ULK2: variants seen among roughly 807,000 people sequenced by gnomAD.
The protein encoded by ULK2 is serine/threonine-protein kinase ULK2.
In ULK2, 76 loss-of-function variants were observed where a neutral mutation model predicts 127.5. That is an observed-to-expected ratio of 0.60 (90% CI 0.50 to 0.72). The LOEUF is 0.72. Among genes scored for constraint, ULK2 ranks in the 30% least tolerant of loss-of-function variants. The pLI is 0.00. For synonymous variants in ULK2, 452 were observed against 461.9 expected (o/e 0.98, Z 0.28); for missense variants, 1,144 against 1,295.9 (o/e 0.88, Z 1.80).
chr17:19,841,607 T>G, intron 8 of ULK2, 60 bp from the exon 9 acceptor site: 4 of 1,338,514 alleles, frequency 3.0e-6, no homozygotes, highest in South Asian at 1.3e-5. Context: ...TCAAATCATA[T>G]GATTGACACT....
intron 10 of ULK2, among the ~76,000 whole-genome samples, chr17:19,832,806 C>T (rs773716965): frequency 9.2e-5 from 14 of 152,160 alleles, no homozygotes; most frequent in South Asian, 4.1e-4. Flanking sequence ...CCGCAGATTT[C>T]GTCCACGCAA....
At chr17:19,838,949 T>C (rs542850927) in intron 9 of ULK2, among the ~76,000 whole-genome samples, 14 of 149,758 alleles carry the variant, frequency 9.3e-5, no homozygotes, top group African/African-American at 3.2e-4. Flanking sequence ...GAGAATGGCA[T>C]AAACCCGGGA....
intron 10 of ULK2, among the ~76,000 whole-genome samples, chr17:19,830,690 TTAAAC>T (rs2041417641): frequency 2.0e-5 from 3 of 150,538 alleles, no homozygotes; most frequent in Non-Finnish European, 1.5e-5. Flanking sequence ...TATGTGGAAA[TTAAAC>T]AAAACACTCT....
Position 19,826,156 on chromosome 17 carries a change from T to C in ULK2, c.818A>G (p.Gln273Arg). Residue 273 changes from glutamine to arginine, a missense_variant, in exon 11 of 27, where the codon CAA becomes CGA. Physicochemically the swap from Gln to Arg is conservative, Grantham distance 43. Transcript: ENST00000395544. ...ATACTCACATTTTTTTACTGGACCTTGCTCAAGAAAAGGATGGCTAAAAAA... is the reference window on the plus strand; with the variant it reads ...ATACTCACATTTTTTTACTGGACCTCGCTCAAGAAAAGGATGGCTAAAAAA... ...EAFFSHPFLE[Q>R]GPVKKSCPVP... The C allele has an allele frequency of 6.8e-7, 1 of 1,471,424 alleles. No individual in the cohort carries two copies. The highest frequency in any genetic ancestry group is 9.1e-7 in the Non-Finnish European group (1 of 1,100,998). 91.1% of individuals were successfully genotyped at this position (1,471,424 alleles called of 1,614,324 possible).
Position 19,783,894 on chromosome 17 carries a change from T to C in ULK2, c.2263A>G (p.Asn755Asp), listed in dbSNP as rs2086973007. 2 of 1,519,958 alleles carry C rather than the reference T, an allele frequency of 1.3e-6. No homozygotes were observed. Among genetic ancestry groups the C allele is most frequent in the Non-Finnish European group, 1.8e-6 (2 of 1,132,706 alleles). 94.2% of individuals were successfully genotyped at this position (1,519,958 alleles called of 1,614,324 possible). The change falls in exon 22 of 27, where the codon AAC (asparagine) becomes GAC (aspartate). Residue 755 changes from asparagine (N) to aspartate (D), a missense_variant. Asn to Asp is a conservative substitution (Grantham distance 23, BLOSUM62 1). Transcript: ENST00000395544. ...RTRTTSVGPS[N>D]SGGSLCAMSG... Reference sequence around the variant, plus strand: ...ATGGCACAAAGAGAGCCCCCGGAGTTGCTGGGCCCCACTACAAGGAAACAG... The same window carrying C: ...ATGGCACAAAGAGAGCCCCCGGAGTCGCTGGGCCCCACTACAAGGAAACAG...
chr17:19,828,717 CA>C (rs1412212716), intron 10 of ULK2, among the ~76,000 whole-genome samples: 8 of 152,168 alleles, frequency 5.3e-5, no homozygotes, highest in African/African-American at 1.7e-4. Flanking sequence ...AATCTTTCCT[CA>C]TCAGTAATTA....
At chr17:19,782,193 G>T (rs1346877294) in intron 22 of ULK2, 126 bp from the exon 23 acceptor site, 5 of 1,061,822 alleles carry the variant, frequency 4.7e-6, no homozygotes, top group Non-Finnish European at 6.6e-6. Flanking sequence ...GACAAAAGGA[G>T]ATTGAAATTT....
At chr17:19,812,324 T>C (rs1213886608) in intron 13 of ULK2, among the ~76,000 whole-genome samples, 1 of 152,222 alleles carries the variant, frequency 6.6e-6, no homozygotes, top group Non-Finnish European at 1.5e-5. Flanking sequence ...AGTTGATGAA[T>C]ACATTAATTT....
intron 23 of ULK2, 45 bp from the exon 24 acceptor site, chr17:19,781,149 G>C: frequency 6.4e-7 from 1 of 1,552,476 alleles, no homozygotes; most frequent in Non-Finnish European, 8.9e-7. Flanking sequence ...GTGAACTAAT[G>C]TAAGATGTGG....
chr17:19,846,280 T>C (rs1468228732), intron 6 of ULK2, among the ~76,000 whole-genome samples: 3 of 152,042 alleles, frequency 2.0e-5, no homozygotes, highest in Non-Finnish European at 4.4e-5. Context: ...CTGTCAATAA[T>C]GTAAAGGATT....
chr17:19,824,018 T>C (rs1330859901), intron 12 of ULK2, among the ~76,000 whole-genome samples: 1 of 152,074 alleles, frequency 6.6e-6, no homozygotes, highest in East Asian at 1.9e-4. Flanking sequence ...CCCTACGAGG[T>C]AGGTAAATTA....
chr17:19,834,342 A>G (rs933677635), intron 10 of ULK2, among the ~76,000 whole-genome samples: 5 of 152,174 alleles, frequency 3.3e-5, no homozygotes, highest in Non-Finnish European at 7.3e-5. Flanking sequence ...TATGGAAGAC[A>G]GTACATTATA....
At chr17:19,786,697 G>C (rs1330345427) in intron 20 of ULK2, among the ~76,000 whole-genome samples, 1 of 135,474 alleles carries the variant, frequency 7.4e-6, no homozygotes, top group Non-Finnish European at 1.6e-5. Context: ...CTGGGTGACA[G>C]AGTGAGGCTC....
chr17:19,850,202 G>A (rs2041981427), intron 3 of ULK2, among the ~76,000 whole-genome samples: 1 of 152,134 alleles, frequency 6.6e-6, no homozygotes, highest in Admixed American at 6.6e-5. Flanking sequence ...AACACTATAT[G>A]CACAGTCTGA....
chr17:19,827,005 A>G (rs1235623080), intron 10 of ULK2, among the ~76,000 whole-genome samples: 1 of 152,150 alleles, frequency 6.6e-6, no homozygotes, highest in African/African-American at 2.4e-5. Flanking sequence ...AATAATTTTA[A>G]AACCATTCTC....
rs530681194 is a variant in ULK2, at chr17:19,787,264, G to A, written c.2102-1178C>T. Among the ~76,000 whole-genome samples the A allele has an allele frequency of 1.1e-4, 17 of 152,314 alleles. No homozygotes were observed. In the East Asian group the frequency reaches 2.9e-3, roughly 26 times the overall value. On this transcript the variant is annotated intron_variant, in intron 20 of 26. Transcript: ENST00000395544. Reference sequence around the variant, plus strand: ...GGCCTCTCAAACTGCTGGGATTACAGGCGTGAGCCACTGCGCCCAGCCTTA... The same window carrying A: ...GGCCTCTCAAACTGCTGGGATTACAAGCGTGAGCCACTGCGCCCAGCCTTA...
chr17:19,866,486 C>T (rs964305491), intron 1 of ULK2, among the ~76,000 whole-genome samples: 5 of 151,830 alleles, frequency 3.3e-5, no homozygotes, highest in Non-Finnish European at 5.9e-5. Flanking sequence ...CCAGCCTCGG[C>T]GACAAAGCGA....
At position 19,849,349 on chromosome 17, in the gene ULK2, T is replaced by C; in HGVS notation, c.295+20A>G. On this transcript the variant is annotated intron_variant, in intron 5 of 26. Transcript: ENST00000395544. ...CTGCAGCACTGTCTTTACTGAACAC[T>C]GACACACATACACAGTTACCTTGCA... 6.2e-7 allele frequency: 1 copy of C among 1,604,828 alleles called. No homozygotes were observed. The highest frequency in any genetic ancestry group is 8.5e-7 in the Non-Finnish European group (1 of 1,174,444).
chr17:19,823,790 GAACAT>G (rs769319027), intron 12 of ULK2, among the ~76,000 whole-genome samples: 9 of 152,186 alleles, frequency 5.9e-5, no homozygotes, highest in Non-Finnish European at 1.2e-4. Context: ...TAGTTCACCA[GAACAT>G]AACATAAGTC....
Sources: gnomAD v4.1 joint callset for allele counts (sites outside exome capture counted in the v4.1 genomes callset) on GRCh38, gnomAD v4.1.1 for gene constraint, MANE v1.5 for transcripts, NCBI Gene and HGNC (gene_info 2026-07-23, HGNC 2026-07-21) for gene names.